The following LHFPL6 variants were observed in gnomAD, a reference collection of about 807,000 sequenced individuals.
LHFPL6 encodes LHFPL tetraspan subfamily member 6.
In LHFPL6, 9 loss-of-function variants were observed where a neutral mutation model predicts 20.6. The observed-to-expected ratio is 0.44, with a 90% CI of 0.26 to 0.76. The LOEUF (loss-of-function observed/expected upper bound fraction) is 0.76. Among genes scored for constraint, LHFPL6 ranks in the 30% least tolerant of loss-of-function variants. The pLI, the probability that LHFPL6 is intolerant of heterozygous loss-of-function variation, is 0.20. For missense variants in LHFPL6, 218 were observed against 253.5 expected, an observed-to-expected ratio of 0.86 and a Z score of 0.95; for synonymous variants, 105 against 98.7, an observed-to-expected ratio of 1.06 and a Z score of -0.38.
intron 3 of LHFPL6, among the ~76,000 whole-genome samples, chr13:39,360,100 A>G (rs59927895): frequency 0.085 from 8,698 of 102,764 alleles, 1,922 homozygotes; most frequent in African/African-American, 0.2. Flanking sequence ...TGCTCACTGC[A>G]AGCTCTGCCT....
intron 2 of LHFPL6, among the ~76,000 whole-genome samples, chr13:39,413,507 C>T (rs1209540996): frequency 6.7e-6 from 1 of 149,750 alleles, no homozygotes; most frequent in Admixed American, 6.6e-5. Context: ...CTGGCCTCAA[C>T]CTCTCTGCTC....
intron 2 of LHFPL6, among the ~76,000 whole-genome samples, chr13:39,549,339 A>G (rs1004211629): frequency 2.6e-5 from 4 of 152,190 alleles, no homozygotes; most frequent in African/African-American, 9.7e-5. Context: ...GACTTCTAGC[A>G]TATACAGAAA....
chr13:39,554,860 T>C (rs141556234), intron 2 of LHFPL6, among the ~76,000 whole-genome samples: 93 of 152,332 alleles, frequency 6.1e-4, no homozygotes, highest in African/African-American at 2.1e-3. Flanking sequence ...AGTCAAGTAC[T>C]AAAGGTTGTA....
intron 2 of LHFPL6, among the ~76,000 whole-genome samples, chr13:39,539,974 A>G (rs1315645890): frequency 6.6e-6 from 1 of 152,230 alleles, no homozygotes; most frequent in Non-Finnish European, 1.5e-5. Context: ...TTAGTTCTTA[A>G]AAGAGTTTCA....
intron 2 of LHFPL6, among the ~76,000 whole-genome samples, chr13:39,441,606 G>A (rs1872136076): frequency 6.6e-6 from 1 of 151,816 alleles, no homozygotes; most frequent in African/African-American, 2.4e-5. Flanking sequence ...TTGACCTCCT[G>A]GGCTCAAGTG....
At chr13:39,448,537 A>G (rs2138419396) in intron 2 of LHFPL6, among the ~76,000 whole-genome samples, 1 of 152,310 alleles carries the variant, frequency 6.6e-6, no homozygotes, top group South Asian at 2.1e-4. Flanking sequence ...CTCTACTTTC[A>G]TTTTCTGTAA....
At chr13:39,470,353 A>G (rs550578956) in intron 2 of LHFPL6, among the ~76,000 whole-genome samples, 1 of 152,296 alleles carries the variant, frequency 6.6e-6, no homozygotes, top group African/African-American at 2.4e-5. Flanking sequence ...AATAACATTT[A>G]GCAATTCATT....
At chr13:39,511,715 A>G (rs1380513524) in intron 2 of LHFPL6, among the ~76,000 whole-genome samples, 1 of 152,208 alleles carries the variant, frequency 6.6e-6, no homozygotes, top group East Asian at 1.9e-4. Context: ...TTTAAAGTCT[A>G]CTTTTCTCTC....
intron 2 of LHFPL6, among the ~76,000 whole-genome samples, chr13:39,454,158 T>A (rs1013077055): frequency 2.6e-4 from 39 of 152,246 alleles, no homozygotes; most frequent in Non-Finnish European, 2.5e-4. Flanking sequence ...ACTATCGGTA[T>A]AATCTTCTAA....
rs565486137 is a variant in LHFPL6 at position 39,594,412 on chromosome 13, A to G, written c.385+6420T>C. On this transcript the variant is annotated intron_variant, in intron 2 of 3. Transcript: ENST00000379589. ...CAGAGAAATGCAAATCAAAACCACA[A>G]TGAGATATCATCTCATACCAGTTAG... Among the ~76,000 whole-genome samples the G allele has an allele frequency of 1.7e-3, 260 of 152,358 alleles. 2 individuals are homozygous for G. The highest frequency in any genetic ancestry group is 6.1e-3 in the African/African-American group (253 of 41,586).
intron 2 of LHFPL6, among the ~76,000 whole-genome samples, chr13:39,520,694 ACAACAGCGATGGCATCGCTGAG>A (rs1295474750): frequency 1.3e-5 from 2 of 152,190 alleles, no homozygotes. Flanking sequence ...CGGCCAGACA[ACAACAGCGATGGCATCGCTGAG>A]CTGAAGAGCA....
At chr13:39,589,232 G>C (rs1306441640) in intron 2 of LHFPL6, among the ~76,000 whole-genome samples, 5 of 152,128 alleles carry the variant, frequency 3.3e-5, no homozygotes, top group Middle Eastern at 3.4e-3. Flanking sequence ...TCAGCCTCCT[G>C]AGTAGCCGAG....
chr13:39,549,350 A>G (rs1368021876), intron 2 of LHFPL6, among the ~76,000 whole-genome samples: 1 of 152,178 alleles, frequency 6.6e-6, no homozygotes, highest in African/African-American at 2.4e-5. Context: ...TATACAGAAA[A>G]TAGACCAATA....
At chr13:39,586,236 T>C (rs1029283404) in intron 2 of LHFPL6, among the ~76,000 whole-genome samples, 7 of 152,134 alleles carry the variant, frequency 4.6e-5, no homozygotes, top group African/African-American at 1.7e-4. Context: ...AAGAGTGTCT[T>C]TTTGTGTGAA....
chr13:39,561,495 G>C (rs1444738154), intron 2 of LHFPL6, among the ~76,000 whole-genome samples: 1 of 152,138 alleles, frequency 6.6e-6, no homozygotes, highest in Admixed American at 6.5e-5. Context: ...TTAAGAGATG[G>C]GGTCTTGTTC....
chr13:39,349,151 C>G (rs1055838863), intron 3 of LHFPL6, among the ~76,000 whole-genome samples: 1 of 151,996 alleles, frequency 6.6e-6, no homozygotes, highest in South Asian at 2.1e-4. Flanking sequence ...GAAAAAGAGT[C>G]CTTCATTTAA....
intron 1 of LHFPL6, among the ~76,000 whole-genome samples, chr13:39,601,813 T>C (rs980054358): frequency 3.3e-5 from 5 of 152,204 alleles, no homozygotes; most frequent in Admixed American, 2.0e-4. Flanking sequence ...CTTTTCTATG[T>C]CCCTTTAAGG....
rs1370637712 is a variant in LHFPL6, at chr13:39,452,607, A to AG, written c.386-74082dup. ...GTGGGGTGACAGGAGGACTTTGTGC[A>AG]GGGCTCTGCTAGACTCATTATGATG... On this transcript the variant is annotated intron_variant, in intron 2 of 3. Transcript: ENST00000379589. 2.0e-5 allele frequency among the ~76,000 whole-genome samples: 3 copies of AG among 152,202 alleles called. No individual in the cohort carries two copies. The East Asian group carries it at 5.8e-4, about 29-fold the overall frequency.
At chr13:39,359,199 T>G (rs1441881204) in intron 3 of LHFPL6, among the ~76,000 whole-genome samples, 2 of 152,076 alleles carry the variant, frequency 1.3e-5, no homozygotes, top group Non-Finnish European at 2.9e-5. Context: ...TTGGCAGGAC[T>G]GTGAAGAAAA....
Sources: allele counts gnomAD v4.1 joint callset (sites outside exome capture counted in the v4.1 genomes callset), GRCh38; gene constraint gnomAD v4.1.1; transcripts MANE v1.5; gene names NCBI Gene and HGNC (gene_info 2026-07-23, HGNC 2026-07-21).